Variants in TLE4 observed in about 807,000 individuals in gnomAD.
TLE4 encodes the protein TLE family member 4, transcriptional corepressor.
TLE4 carries 8 observed loss-of-function variants against 92.8 expected under a neutral mutation model. The ratio of observed to expected loss-of-function variants is 0.09; its 90% CI spans 0.05 to 0.16. TLE4 has a LOEUF of 0.16. TLE4 is among the 10% of genes least tolerant of loss of function. The pLI, the probability that TLE4 is intolerant of heterozygous loss-of-function variation, is 1.00. For synonymous variants in TLE4, 371 were observed against 374.1 expected, an observed-to-expected ratio of 0.99 and a Z score of 0.10; for missense variants, 675 against 997.6, an observed-to-expected ratio of 0.68 and a Z score of 4.36.
chr9:79,628,568 T>A (rs1332685866), intron 6 of TLE4, among the ~76,000 whole-genome samples: 1 of 151,324 alleles, frequency 6.6e-6, no homozygotes, highest in Non-Finnish European at 1.5e-5. Flanking sequence ...CTCTATTTTA[T>A]GTCCCTCTGA....
intron 19 of TLE4, among the ~76,000 whole-genome samples, 185 bp from the exon 20 acceptor site, chr9:79,724,849 TAAA>T (rs947971071): frequency 8.5e-4 from 22 of 25,974 alleles, no homozygotes; most frequent in Non-Finnish European, 1.3e-3. Context: ...CCTGTCTTAT[TAAA>T]AAAAAAAAAA....
At chr9:79,718,328 T>C (rs986508561) in intron 14 of TLE4, among the ~76,000 whole-genome samples, 2 of 152,210 alleles carry the variant, frequency 1.3e-5, no homozygotes, top group Non-Finnish European at 2.9e-5. Flanking sequence ...ATCACAGGCC[T>C]CTGATTCATC....
rs1373180011 is a variant in TLE4 at position 79,572,463 on chromosome 9, T to A, written c.-328T>A. 6.6e-6 allele frequency: 1 copy of A among 152,268 alleles called. No homozygotes were observed. Among genetic ancestry groups the A allele is most frequent in the Admixed American group, 6.6e-5 (1 of 15,212 alleles). 9.4% of individuals were successfully genotyped at this position (152,268 alleles called of 1,614,324 possible). A position where few individuals can be genotyped will look rare whatever the true frequency, so the allele number is the denominator to read the frequency against. On this transcript the variant is annotated 5_prime_UTR_variant, in exon 1 of 20. Transcript: ENST00000376552. Reference sequence around the variant, plus strand: ...CGGAGCCCGCACTTTCCCGGCCGGGTGAGCGGCGGCCGCGGCGCCGGGCTC... The same window carrying A: ...CGGAGCCCGCACTTTCCCGGCCGGGAGAGCGGCGGCCGCGGCGCCGGGCTC...
chr9:79,701,967 G>A (rs1253819729), intron 8 of TLE4, among the ~76,000 whole-genome samples: 2 of 152,194 alleles, frequency 1.3e-5, no homozygotes, highest in Non-Finnish European at 2.9e-5. Context: ...GGAACAAAGA[G>A]GAATGAATGA....
chr9:79,644,001 G>A (rs2057657032), intron 6 of TLE4, among the ~76,000 whole-genome samples: 1 of 152,076 alleles, frequency 6.6e-6, no homozygotes, highest in Non-Finnish European at 1.5e-5. Flanking sequence ...CATTTATTGA[G>A]TGTTTATTAT....
intron 11 of TLE4, 116 bp downstream of exon 11, chr9:79,707,015 A>G (rs778859943): frequency 3.7e-5 from 58 of 1,563,062 alleles, no homozygotes; most frequent in Admixed American, 1.8e-4. Flanking sequence ...TTCCAAATGT[A>G]TATATGTTCG....
chr9:79,649,819 G>T, intron 6 of TLE4: 1 of 1,365,560 alleles, frequency 7.3e-7, no homozygotes, highest in South Asian at 1.1e-5. Flanking sequence ...TTATCCTGTA[G>T]GAGAAAAAGA....
intron 6 of TLE4, 23 bp downstream of exon 6, chr9:79,627,471 C>T: frequency 1.9e-6 from 3 of 1,611,468 alleles, no homozygotes; most frequent in Non-Finnish European, 2.5e-6. Flanking sequence ...TCCATTTTAG[C>T]TCTGATCTTA....
intron 8 of TLE4, among the ~76,000 whole-genome samples, chr9:79,664,649 T>G (rs2061087536): frequency 1.3e-5 from 2 of 152,192 alleles, no homozygotes; most frequent in South Asian, 4.1e-4. Flanking sequence ...GGAACAGTAC[T>G]TTTGTTAGTT....
At chr9:79,574,408 T>C (rs183997305) in intron 2 of TLE4, among the ~76,000 whole-genome samples, 46 of 152,208 alleles carry the variant, frequency 3.0e-4, no homozygotes, top group African/African-American at 1.1e-3. Flanking sequence ...TGTCTGTGTG[T>C]TTTGGAGGGA....
intron 8 of TLE4, among the ~76,000 whole-genome samples, chr9:79,698,387 A>G (rs1308208333): frequency 6.6e-6 from 1 of 152,232 alleles, no homozygotes; most frequent in East Asian, 1.9e-4. Context: ...GACAAAAACA[A>G]TAGAACATTT....
intron 8 of TLE4, among the ~76,000 whole-genome samples, chr9:79,656,733 A>C (rs1466843146): frequency 6.6e-6 from 1 of 152,234 alleles, no homozygotes; most frequent in East Asian, 1.9e-4. Flanking sequence ...GAGATACTTT[A>C]AAATGTTTTC....
intron 5 of TLE4, among the ~76,000 whole-genome samples, chr9:79,622,460 C>G (rs1314548804): frequency 6.6e-6 from 1 of 152,192 alleles, no homozygotes; most frequent in African/African-American, 2.4e-5. Context: ...GGAAATCCTT[C>G]AGGTCTCAGT....
chr9:79,708,835 C>A, intron 13 of TLE4, 49 bp downstream of exon 13: 1 of 1,544,898 alleles, frequency 6.5e-7, no homozygotes, highest in South Asian at 1.2e-5. Flanking sequence ...GGAGGATTGT[C>A]ATGCTTGATT....
intron 6 of TLE4, among the ~76,000 whole-genome samples, chr9:79,645,635 C>T (rs1441955073): frequency 6.6e-6 from 1 of 152,188 alleles, no homozygotes; most frequent in South Asian, 2.1e-4. Flanking sequence ...ATCTTTGTTA[C>T]AGAGAATCCA....
intron 5 of TLE4, among the ~76,000 whole-genome samples, chr9:79,625,014 C>CTTTTTTTTTTTTTTT (rs34968887): frequency 3.8e-5 from 3 of 79,948 alleles, no homozygotes; most frequent in African/African-American, 1.1e-4. Context: ...TATTTCTTTT[C>CTTTTTTTTTTTTTTT]TTTTTTTTTT....
intron 6 of TLE4, among the ~76,000 whole-genome samples, chr9:79,635,227 G>T (rs1456120805): frequency 3.3e-5 from 5 of 151,988 alleles, no homozygotes; most frequent in Non-Finnish European, 7.4e-5. Context: ...AACAATTAAT[G>T]ATGTTAAGTG....
chr9:79,632,320 A>T (rs759931785), intron 6 of TLE4, among the ~76,000 whole-genome samples: 1 of 152,148 alleles, frequency 6.6e-6, no homozygotes, highest in Non-Finnish European at 1.5e-5. Context: ...TTCCAGTAGG[A>T]TGGAGCTTCA....
chr9:79,688,793 G>A (rs2066432955), intron 8 of TLE4, among the ~76,000 whole-genome samples: 2 of 151,966 alleles, frequency 1.3e-5, no homozygotes, highest in South Asian at 4.2e-4. Flanking sequence ...GCTGAAGGAA[G>A]GTCAAAAATT....
Sources: gnomAD v4.1 joint callset for allele counts (sites outside exome capture counted in the v4.1 genomes callset) on GRCh38, gnomAD v4.1.1 for gene constraint, MANE v1.5 for transcripts, NCBI Gene and HGNC (gene_info 2026-07-23, HGNC 2026-07-21) for gene names.